ANKRD13C: variants seen among roughly 807,000 people sequenced by gnomAD.
ANKRD13C encodes the protein ankyrin repeat domain 13C.
In ANKRD13C, 16 loss-of-function variants were observed where a neutral mutation model predicts 65.5. The observed-to-expected ratio is 0.24, with a 90% confidence interval of 0.17 to 0.37. ANKRD13C has a LOEUF of 0.37. ANKRD13C is among the 10% of genes least tolerant of loss of function. The probability of loss-of-function intolerance (pLI) is 1.00; values close to 1 mark genes in which losing one functional copy is unlikely to be tolerated. For synonymous variants in ANKRD13C, 235 were observed against 238.7 expected (o/e 0.98, Z 0.14); for missense variants, 503 against 655.9 (o/e 0.77, Z 2.55).
intron 3 of ANKRD13C, among the ~76,000 whole-genome samples, chr1:70,318,715 G>T (rs193043926): frequency 3.4e-5 from 4 of 119,024 alleles, no homozygotes; most frequent in Non-Finnish European, 4.8e-5. Context: ...ACGGAGTCTC[G>T]CTCTGTCGCC....
At chr1:70,268,862 A>G (rs1350021282) in intron 12 of ANKRD13C, among the ~76,000 whole-genome samples, 1 of 151,864 alleles carries the variant, frequency 6.6e-6, no homozygotes, top group Admixed American at 6.5e-5. Context: ...ATAATTTCCA[A>G]AATTTTTTTT....
At chr1:70,288,227 A>G (rs1455922310) in intron 9 of ANKRD13C, among the ~76,000 whole-genome samples, 2 of 152,244 alleles carry the variant, frequency 1.3e-5, no homozygotes, top group Non-Finnish European at 1.5e-5. Context: ...AATGAGTAAC[A>G]TAGAAAATAA....
intron 4 of ANKRD13C, among the ~76,000 whole-genome samples, chr1:70,314,453 G>C (rs1209132268): frequency 1.3e-5 from 2 of 151,422 alleles, no homozygotes; most frequent in African/African-American, 4.9e-5. Context: ...TCGAACTCCT[G>C]ACCTCAGGTG....
chr1:70,352,158 T>C (rs559214018), intron 1 of ANKRD13C, among the ~76,000 whole-genome samples: 17 of 151,780 alleles, frequency 1.1e-4, no homozygotes, highest in Admixed American at 4.6e-4. Flanking sequence ...GCTCACACAG[T>C]GAAACCCCGT....
intron 3 of ANKRD13C, among the ~76,000 whole-genome samples, chr1:70,322,610 A>C (rs1267365578): frequency 6.6e-6 from 1 of 152,196 alleles, no homozygotes; most frequent in Non-Finnish European, 1.5e-5. Flanking sequence ...ATGAATTCTT[A>C]AACAGAAGAG....
intron 1 of ANKRD13C, among the ~76,000 whole-genome samples, chr1:70,345,685 C>CAGTCTTTT (rs1322533724): frequency 1.3e-5 from 2 of 152,160 alleles, no homozygotes; most frequent in African/African-American, 4.8e-5. Flanking sequence ...CTGACTAGAA[C>CAGTCTTTT]AGTCTTTTAT....
At chr1:70,333,386 C>A (rs1408218793) in intron 2 of ANKRD13C, among the ~76,000 whole-genome samples, 1 of 152,038 alleles carries the variant, frequency 6.6e-6, no homozygotes, top group Non-Finnish European at 1.5e-5. Flanking sequence ...CATATTTTCA[C>A]CAAGGTTGCT....
intron 12 of ANKRD13C, among the ~76,000 whole-genome samples, chr1:70,270,055 A>G (rs1678811164): frequency 6.6e-6 from 1 of 152,186 alleles, no homozygotes; most frequent in Non-Finnish European, 1.5e-5. Context: ...TATATGCAAA[A>G]ATGAGTGTAC....
chr1:70,354,298 G>A lies in ANKRD13C; in HGVS notation c.111C>T (p.Thr37=), dbSNP rs768639392. The A allele has an allele frequency of 9.3e-6, 15 of 1,613,894 alleles. No homozygotes were observed. The highest frequency in any genetic ancestry group is 1.1e-5 in the Non-Finnish European group (13 of 1,180,044). The change falls in exon 1 of 13, where the codon ACC becomes ACT. Residue 37 remains threonine, a synonymous_variant. Coordinates refer to ENST00000370944, the MANE Select transcript of ANKRD13C (RefSeq NM_030816.5). ...DEEAAAALGG[T]FTRSRIGKGG... ...CCTTGCCAATCCTGCTTCTGGTAAA[G>A]GTACCGCCGAGGGCAGCCGCCGCTT...
At chr1:70,313,463 G>A (rs113693616) in intron 5 of ANKRD13C, among the ~76,000 whole-genome samples, 24 of 151,252 alleles carry the variant, frequency 1.6e-4, no homozygotes, top group African/African-American at 3.2e-4. Context: ...CCAGGGGTTC[G>A]AGGCTGTAGT....
intron 9 of ANKRD13C, among the ~76,000 whole-genome samples, chr1:70,278,902 A>G (rs1679259404): frequency 6.6e-6 from 1 of 152,116 alleles, no homozygotes; most frequent in African/African-American, 2.4e-5. Context: ...GATAACGTAT[A>G]TAAAAAACTT....
At chr1:70,344,656 A>C in intron 1 of ANKRD13C, among the ~76,000 whole-genome samples, 1 of 152,104 alleles carries the variant, frequency 6.6e-6, no homozygotes, top group East Asian at 1.9e-4. Flanking sequence ...TATTTTCCAA[A>C]ATTACATACC....
chr1:70,345,979 C>CT (rs993453569), intron 1 of ANKRD13C, among the ~76,000 whole-genome samples: 1 of 151,490 alleles, frequency 6.6e-6, no homozygotes, highest in Admixed American at 6.6e-5. Context: ...TTTTCTAATA[C>CT]TTTTTTTTTC....
In ANKRD13C at chr1:70,354,603, G is replaced by A. The variant is rs1447818593; in HGVS notation, c.-195C>T. The A allele has an allele frequency of 2.3e-6, 3 of 1,316,124 alleles. No homozygotes were observed. Among genetic ancestry groups the A allele is most frequent in the South Asian group, 1.6e-5 (1 of 63,952 alleles). 81.5% of individuals were successfully genotyped at this position (1,316,124 alleles called of 1,614,324 possible). A position where few individuals can be genotyped will look rare whatever the true frequency, so the allele number is the denominator to read the frequency against. The stretch of plus-strand genomic sequence containing the variant: ...CTCTCGCCTAGGCACGAAGGGACGC[G>A]CGCTCGCTGGGGGAAGCTAGAACTC... On this transcript the variant is annotated 5_prime_UTR_variant, in exon 1 of 13. Coordinates refer to ENST00000370944, the MANE Select transcript of ANKRD13C (RefSeq NM_030816.5).
At chr1:70,267,882 G>A (rs1413085003) in intron 12 of ANKRD13C, among the ~76,000 whole-genome samples, 1 of 152,076 alleles carries the variant, frequency 6.6e-6, no homozygotes, top group African/African-American at 2.4e-5. Context: ...CTCAAGTGAA[G>A]TAAACTTATC....
Position 70,308,674 on chromosome 1 carries a change from A to G in ANKRD13C, c.710-2384T>C, listed in dbSNP as rs377266949. On this transcript the variant is annotated intron_variant, in intron 5 of 12. Coordinates refer to ENST00000370944, the MANE Select transcript of ANKRD13C (RefSeq NM_030816.5). ...GAATGGCGTGAACCCAGGAGGCGGA[A>G]CTTGCAGTGAGCCGAGATTGCGCCA... Among the ~76,000 whole-genome samples the G allele has an allele frequency of 3.2e-3, 468 of 148,488 alleles. 5 individuals carry two copies. Among genetic ancestry groups the G allele is most frequent in the East Asian group, 0.025 (121 of 4,862 alleles).
At chr1:70,328,653 C>T (rs1681653190) in intron 2 of ANKRD13C, among the ~76,000 whole-genome samples, 3 of 152,096 alleles carry the variant, frequency 2.0e-5, no homozygotes, top group African/African-American at 4.8e-5. Context: ...CAGAGAGAGA[C>T]TGACTCAATA....
In ANKRD13C at chr1:70,354,384, G is replaced by A; in HGVS notation, c.25C>T (p.Leu9=). The change falls in exon 1 of 13, where the codon CTG becomes TTG. Residue 9 remains leucine (L), a synonymous_variant. Coordinates refer to ENST00000370944, the MANE Select transcript of ANKRD13C (RefSeq NM_030816.5). MTGEKIRS[L]RRDHKPSKEE... Reference sequence around the variant, plus strand: ...TTGCTGGGCTTGTGGTCCCTCCGCAGTGAGCGGATCTTCTCCCCGGTCATC... The same window carrying A: ...TTGCTGGGCTTGTGGTCCCTCCGCAATGAGCGGATCTTCTCCCCGGTCATC... 1.2e-6 allele frequency: 2 copies of A among 1,613,788 alleles called. No homozygotes were observed. Among genetic ancestry groups the A allele is most frequent in the Non-Finnish European group, 1.7e-6 (2 of 1,179,794 alleles).
intron 9 of ANKRD13C, among the ~76,000 whole-genome samples, chr1:70,283,784 G>T (rs1679504954): frequency 6.6e-6 from 1 of 151,740 alleles, no homozygotes; most frequent in Non-Finnish European, 1.5e-5. Context: ...CTCCAGCCTG[G>T]GCAACAGAGC....
Sources: gnomAD v4.1 joint callset for allele counts (sites outside exome capture counted in the v4.1 genomes callset) on GRCh38, gnomAD v4.1.1 for gene constraint, MANE v1.5 for transcripts, NCBI Gene and HGNC (gene_info 2026-07-23, HGNC 2026-07-21) for gene names.